The following SLC25A39 variants were observed in gnomAD, a reference collection of about 807,000 sequenced individuals.
The protein encoded by SLC25A39 is solute carrier family 25 member 39.
Under a neutral mutation model 46.6 loss-of-function variants are expected in SLC25A39, and 44 were observed. The ratio of observed to expected loss-of-function variants is 0.94; its 90% CI spans 0.74 to 1.21. SLC25A39 has a LOEUF of 1.21. Among genes scored for constraint, SLC25A39 ranks in the 50% most tolerant of loss-of-function variants. SLC25A39 has a pLI of 0.00. For synonymous variants in SLC25A39, 218 were observed against 190.6 expected (o/e 1.14, Z -1.19); for missense variants, 487 against 473.0 (o/e 1.03, Z -0.28).
Position 44,320,887 on chromosome 17 carries a change from C to A in SLC25A39, c.692-156G>T. 8 of 976,910 alleles carry A rather than the reference C, an allele frequency of 8.2e-6. No individual in the cohort carries two copies. In the South Asian group the frequency reaches 1.3e-4, roughly 16 times the overall value. The allele number at this position is 976,910 out of a possible 1,614,324, so 60.5% of individuals were successfully genotyped here. ...ACTCTGTAGGAATTAATCTCCTGAC[C>A]GCCTGGGCAAATACTCTACCTGCTA... On this transcript the variant is annotated intron_variant, in intron 8 of 11. Coordinates refer to ENST00000377095, the MANE Select transcript of SLC25A39 (RefSeq NM_001143780.3).
rs2048128945 is a variant in SLC25A39 at position 44,323,532 on chromosome 17, G to A, written c.31C>T (p.Pro11Ser). The change falls in exon 2 of 12, where the codon CCC (proline) becomes TCC (serine). Residue 11 changes from proline (P) to serine (S), a missense_variant. Pro to Ser is a moderately conservative substitution (Grantham distance 74). Coordinates refer to ENST00000377095, the MANE Select transcript of SLC25A39 (RefSeq NM_001143780.3). ...CCTGAGGCCACCATTTGCTGGAGGG[G>A]GCTGATGCCCGCAGGGTCCTGGTCA... MADQDPAGIS[P>S]LQQMVASGTG... 21 of 1,581,860 alleles carry A rather than the reference G, an allele frequency of 1.3e-5. No homozygotes were observed. The highest frequency in any genetic ancestry group is 1.7e-4 in the Middle Eastern group (1 of 5,996).
At chr17:44,322,893 C>A (rs898649560) in intron 3 of SLC25A39, 41 bp from the exon 4 acceptor site, 2 of 1,607,166 alleles carry the variant, frequency 1.2e-6, no homozygotes, top group Admixed American at 3.3e-5. Context: ...AGAGCCCCCA[C>A]CCGCCCTAGG....
intron 2 of SLC25A39, 23 bp from the exon 3 acceptor site, chr17:44,323,366 A>G: frequency 1.9e-6 from 3 of 1,607,116 alleles, no homozygotes; most frequent in Non-Finnish European, 2.5e-6. Flanking sequence ...GCGGGTCTGA[A>G]GGCTCCTTTC....
chr17:44,320,228 C>G lies in SLC25A39; in HGVS notation c.932G>C (p.Arg311Pro). Reference sequence around the variant, plus strand: ...GAGTCCCTTGGTGCCCGACTCGGCCCGGATCCTCCGCAGCAGCAGCCAGGT... The same window carrying G: ...GAGTCCCTTGGTGCCCGACTCGGCCGGGATCCTCCGCAGCAGCAGCCAGGT... ...DSTWLLLRRI[R>P]AESGTKGLFA... The change falls in exon 11 of 12, where the codon CGG becomes CCG. Residue 311 changes from arginine to proline, a missense_variant. Physicochemically the swap from Arg to Pro is moderately radical, Grantham distance 103. Coordinates refer to ENST00000377095, the MANE Select transcript of SLC25A39 (RefSeq NM_001143780.3). 1 of 1,613,912 alleles carries G rather than the reference C, an allele frequency of 6.2e-7. No individual in the cohort carries two copies.
Position 44,320,122 on chromosome 17 carries a change from G to C in SLC25A39, c.965-6C>G, listed in dbSNP as rs373609811. On this transcript the variant is annotated splice_region_variant and splice_polypyrimidine_tract_variant and intron_variant, in intron 11 of 11. Coordinates refer to ENST00000377095, the MANE Select transcript of SLC25A39 (RefSeq NM_001143780.3). Reference sequence around the variant, plus strand: ...GATGATCCGAGGAAGGAAGCCTGCAGTGGAAAGGAGGCCCGTGTCAGGGGT... The same window carrying C: ...GATGATCCGAGGAAGGAAGCCTGCACTGGAAAGGAGGCCCGTGTCAGGGGT... The C allele has an allele frequency of 3.7e-5, 60 of 1,613,906 alleles. No homozygotes were observed. In the Admixed American group the frequency reaches 4.7e-4, roughly 13 times the overall value.
chr17:44,320,066 T>C lies in SLC25A39; in HGVS notation c.1015A>G (p.Ser339Gly), dbSNP rs763014693. 2 of 1,613,892 alleles carry C rather than the reference T, an allele frequency of 1.2e-6. No individual in the cohort carries two copies. The highest frequency in any genetic ancestry group is 1.3e-5 in the African/African-American group (1 of 74,884). ...KAAPSCAIMI[S>G]TYEFGKSFFQ... ...AAGCTTTTGCCGAACTCATAGGTGC[T>C]GATCATGATGGCACAGGAGGGGGCA... The change falls in exon 12 of 12, where the codon AGC becomes GGC. Residue 339 changes from serine (S) to glycine (G), a missense_variant. Ser to Gly is a moderately conservative substitution (Grantham distance 56). Transcript: ENST00000377095.
In SLC25A39 at chr17:44,320,676, CG is replaced by C; in HGVS notation, c.746del (p.Pro249ArgfsTer9). 1 of 1,614,114 alleles carries C rather than the reference CG, an allele frequency of 6.2e-7. No homozygotes were observed. Among genetic ancestry groups the C allele is most frequent in the Non-Finnish European group, 8.5e-7 (1 of 1,180,044 alleles). On this transcript the variant is annotated frameshift_variant, in exon 9 of 12. Transcript: ENST00000377095. LOFTEE classifies it high-confidence loss of function. ...TCATGCCCACAGAAGTCTGGTCCTT[CG>C]GCCTGAACCCATTGAGCCAGCTCTT... ...LVKSWLNGFR[P>X]KDQTSVGMSF...
Position 44,321,340 on chromosome 17 carries a change from T to C in SLC25A39, c.517+94A>G, listed in dbSNP as rs1183731519. 4 of 1,596,606 alleles carry C rather than the reference T, an allele frequency of 2.5e-6. No homozygotes were observed. The African/African-American group carries it at 4.0e-5, about 16-fold the overall frequency. Reference sequence around the variant, plus strand: ...GGGACCTAGAACACCCCCCTATCCCTAGGCTGGCAGAGGTTGGGGCTGGGA... The same window carrying C: ...GGGACCTAGAACACCCCCCTATCCCCAGGCTGGCAGAGGTTGGGGCTGGGA... On this transcript the variant is annotated intron_variant, in intron 7 of 11. Transcript: ENST00000377095.
chr17:44,322,935 T>A (rs1039899818), intron 3 of SLC25A39, 83 bp from the exon 4 acceptor site: 2 of 1,457,160 alleles, frequency 1.4e-6, no homozygotes, highest in Non-Finnish European at 1.9e-6. Context: ...TTTTATTTTA[T>A]TTTTTGAGAT....
intron 2 of SLC25A39, 39 bp downstream of exon 2, chr17:44,323,439 A>AAACCCC: frequency 3.5e-5 from 9 of 257,100 alleles, no homozygotes; most frequent in Non-Finnish European, 4.5e-5. Context: ...GGTCTGCCCC[A>AAACCCC]TCCCCACCCG....
Position 44,321,179 on chromosome 17 carries a change from C to T in SLC25A39, c.570G>A (p.Gln190=), listed in dbSNP as rs767303101. 3.1e-6 allele frequency: 5 copies of T among 1,613,188 alleles called. No individual in the cohort carries two copies. Among genetic ancestry groups the T allele is most frequent in the Non-Finnish European group, 4.2e-6 (5 of 1,179,914 alleles). ...SPLELMRTKL[Q]AQHVSYRELG... ...GCTCCCGGTACGACACATGCTGAGC[C>T]TGCAGCTTTGTCCGCATAAGCTCCA... The change falls in exon 8 of 12, where the codon CAG becomes CAA. Residue 190 remains glutamine (Q), a synonymous_variant. Coordinates refer to ENST00000377095, the MANE Select transcript of SLC25A39 (RefSeq NM_001143780.3).
rs76073410 is a variant in SLC25A39, at chr17:44,322,789, T to G, written c.190+19A>C. On this transcript the variant is annotated intron_variant, in intron 4 of 11. Transcript: ENST00000377095. ...CCCCCTTGCACCCTCCCATGCTCCC[T>G]GTGGCTTGGGGCACTCACATTTGGT... The G allele has an allele frequency of 0.02, 32,952 of 1,613,980 alleles. 402 individuals carry two copies. The highest frequency in any genetic ancestry group is 0.036 in the Middle Eastern group (218 of 6,060).
chr17:44,321,736 C>T lies in SLC25A39; in HGVS notation c.356G>A (p.Gly119Asp). 1 of 1,612,552 alleles carries T rather than the reference C, an allele frequency of 6.2e-7. No individual in the cohort carries two copies. The highest frequency in any genetic ancestry group is 8.5e-7 in the Non-Finnish European group (1 of 1,179,192). Residue 119 changes from glycine (G) to aspartate (D), a missense_variant, in exon 6 of 12, where the codon GGC becomes GAC. Transcript: ENST00000377095. ...GAGGCCGCTCCAGAGGGTCCTGGTG[C>T]CCTCGTGCCTCACGATCTTCACGAA... Reference protein sequence around the residue: ...DAFVKIVRHEGTRTLWSGLPA... With the variant: ...DAFVKIVRHEDTRTLWSGLPA...
intron 4 of SLC25A39, 81 bp downstream of exon 4, chr17:44,322,727 C>G (rs2048090465): frequency 6.3e-7 from 1 of 1,598,736 alleles, no homozygotes; most frequent in Non-Finnish European, 8.5e-7. Context: ...GGCTGTGGAG[C>G]CCACTGGTGC....
rs911126064 is a variant in SLC25A39 at position 44,321,770 on chromosome 17, G to A, written c.325-3C>T. The stretch of plus-strand genomic sequence containing the variant: ...CTCACGATCTTCACGAAGGCATCCT[G>A]GCCAAGCAGGCACCAGCCCAGGGGA... On this transcript the variant is annotated splice_polypyrimidine_tract_variant and splice_region_variant and intron_variant, in intron 5 of 11. Transcript: ENST00000377095. The A allele has an allele frequency of 6.2e-7, 1 of 1,610,484 alleles. No individual in the cohort carries two copies. The highest frequency in any genetic ancestry group is 8.5e-7 in the Non-Finnish European group (1 of 1,177,840).
At position 44,322,626 on chromosome 17, in the gene SLC25A39, G is replaced by A. The variant is rs531470523; in HGVS notation, c.191-74C>T. ...AGGGAGGCAGTGGGCCCCTATCCCT[G>A]GAAGGCCAGTAAAGGCCAGGTCCCT... On this transcript the variant is annotated intron_variant, in intron 4 of 11. Coordinates refer to ENST00000377095, the MANE Select transcript of SLC25A39 (RefSeq NM_001143780.3). 15 of 1,579,810 alleles carry A rather than the reference G, an allele frequency of 9.5e-6. No homozygotes were observed. In the South Asian group the frequency reaches 1.6e-4, roughly 17 times the overall value.
chr17:44,322,500 G>A lies in SLC25A39; in HGVS notation c.243C>T (p.Val81=), dbSNP rs2048079241. The change falls in exon 5 of 12, where the codon GTC becomes GTT. Residue 81 remains valine, a synonymous_variant. Transcript: ENST00000377095. ...TGKCLLYCNG[V]LEPLYLCPNG... is the part of the protein sequence containing the mutation. ...TTGGGCACAGGTACAGAGGCTCCAG[G>A]ACACCATTGCAATACAGGAGGCACT... 1.2e-6 allele frequency: 2 copies of A among 1,614,170 alleles called. No homozygotes were observed. The highest frequency in any genetic ancestry group is 1.7e-6 in the Non-Finnish European group (2 of 1,180,010).
At chr17:44,322,324 C>T (rs1006966110) in intron 5 of SLC25A39, 95 bp downstream of exon 5, 28 of 1,431,194 alleles carry the variant, frequency 2.0e-5, no homozygotes, top group Non-Finnish European at 2.6e-5. Context: ...CCTCTGCGTG[C>T]CTTGCCCAAT....
Position 44,321,066 on chromosome 17 carries a change from G to C in SLC25A39, c.683C>G (p.Pro228Arg), listed in dbSNP as rs748911265. The C allele has an allele frequency of 6.3e-7, 1 of 1,599,112 alleles. No individual in the cohort carries two copies. The highest frequency in any genetic ancestry group is 8.5e-7 in the Non-Finnish European group (1 of 1,173,606). The change falls in exon 8 of 12, where the codon CCC (proline) becomes CGC (arginine). Residue 228 changes from proline (P) to arginine (R), a missense_variant. By Grantham distance (103) the Pro-to-Arg change is moderately radical (BLOSUM62 -2). Coordinates refer to ENST00000377095, the MANE Select transcript of SLC25A39 (RefSeq NM_001143780.3). The part of the protein sequence containing the change: ...GWGPTALRDV[P>R]FSALYWFNYE... ...GCAGCTTGGGTGCCTACCTGAGAAG[G>C]GCACATCTCGAAGGGCAGTGGGGCC...
Sources: allele counts gnomAD v4.1 joint callset, GRCh38; gene constraint gnomAD v4.1.1; transcripts MANE v1.5; gene names NCBI Gene and HGNC (gene_info 2026-07-23, HGNC 2026-07-21).